GAS2L3: variants seen among roughly 807,000 people sequenced by gnomAD.
GAS2L3 encodes the protein GAS2-like protein 3.
Under a neutral mutation model 37.0 loss-of-function variants are expected in GAS2L3, and 28 were observed. The observed-to-expected ratio is 0.76, with a 90% CI of 0.56 to 1.04. GAS2L3 has a LOEUF of 1.04. GAS2L3 is among the 50% of genes least tolerant of loss of function. The pLI, the probability that GAS2L3 is intolerant of heterozygous loss-of-function variation, is 0.00. For synonymous variants in GAS2L3, 290 were observed against 296.6 expected (o/e 0.98, Z 0.23); for missense variants, 793 against 817.6 (o/e 0.97, Z 0.37).
intron 5 of GAS2L3, among the ~76,000 whole-genome samples, chr12:100,607,081 G>T (rs1467213452): frequency 6.6e-6 from 1 of 152,276 alleles, no homozygotes; most frequent in East Asian, 1.9e-4. Flanking sequence ...TCAGACTGAA[G>T]AACTCACTTT....
intron 1 of GAS2L3, among the ~76,000 whole-genome samples, chr12:100,590,743 A>G (rs1045408335): frequency 6.6e-6 from 1 of 152,300 alleles, no homozygotes; most frequent in South Asian, 2.1e-4. Flanking sequence ...ATGGAATATT[A>G]TGCAGCCATA....
Position 100,624,990 on chromosome 12 carries a change from C to T in GAS2L3, c.*100C>T. The T allele has an allele frequency of 1.1e-6, 1 of 905,826 alleles. No individual in the cohort carries two copies. The highest frequency in any genetic ancestry group is 1.7e-6 in the Non-Finnish European group (1 of 591,676). 56.1% of individuals were successfully genotyped at this position (905,826 alleles called of 1,614,324 possible). A position where few individuals can be genotyped will look rare whatever the true frequency, so the allele number is the denominator to read the frequency against. On this transcript the variant is annotated 3_prime_UTR_variant, in exon 10 of 10. Transcript: ENST00000547754. ...TTGTGTCTGTCTAAATAGGTGCAGACACTAAGGATAGTGAGGATGGAGGCT... is the reference window on the plus strand; with the variant it reads ...TTGTGTCTGTCTAAATAGGTGCAGATACTAAGGATAGTGAGGATGGAGGCT...
At position 100,594,903 on chromosome 12, in the gene GAS2L3, C is replaced by A; in HGVS notation, c.-2C>A. 1 of 1,351,798 alleles carries A rather than the reference C, an allele frequency of 7.4e-7. No homozygotes were observed. The highest frequency in any genetic ancestry group is 1.0e-6 in the Non-Finnish European group (1 of 993,496). 83.7% of individuals were successfully genotyped at this position (1,351,798 alleles called of 1,614,324 possible). On this transcript the variant is annotated 5_prime_UTR_variant, in exon 3 of 10. Transcript: ENST00000547754. ...AGAAATTTCATTTCAATATAGGTGA[C>A]TATGCAGCCTGCAATTCAAGTAAGT...
chr12:100,626,773 AT>A lies in GAS2L3; in HGVS notation c.*1884del, dbSNP rs1242653761. 1 of 152,222 alleles carries A rather than the reference AT, an allele frequency of 6.6e-6. No homozygotes were observed. The highest frequency in any genetic ancestry group is 1.5e-5 in the Non-Finnish European group (1 of 68,038). The allele number at this position is 152,222 out of a possible 1,614,324, so 9.4% of individuals were successfully genotyped here. ...GTTAAATGTGATCAGGAATAAAAGT[AT>A]CCCACAGGCATCTGACACAAATTCC... is the stretch of plus-strand genomic sequence containing the variant. On this transcript the variant is annotated 3_prime_UTR_variant, in exon 10 of 10. Transcript: ENST00000547754.
intron 1 of GAS2L3, chr12:100,579,161 T>C: frequency 1.5e-6 from 1 of 671,102 alleles, no homozygotes; most frequent in Non-Finnish European, 2.8e-6. Flanking sequence ...TGATGTTCTC[T>C]TCCATGCCAA....
At chr12:100,582,666 A>G (rs1413009098) in intron 1 of GAS2L3, among the ~76,000 whole-genome samples, 3 of 152,262 alleles carry the variant, frequency 2.0e-5, no homozygotes, top group Non-Finnish European at 4.4e-5. Flanking sequence ...TAAAGACCAG[A>G]ATGACAAAAA....
rs376428841 is a variant in GAS2L3 at position 100,594,833 on chromosome 12, T to C, written c.-30-42T>C. On this transcript the variant is annotated intron_variant, in intron 2 of 9. Coordinates refer to ENST00000547754, the MANE Select transcript of GAS2L3 (RefSeq NM_174942.3). ...TGGGGGTTTGGGGGAGTAGCAAAAC[T>C]GCCACTGTTAACTGTATGTTAATAT... The C allele has an allele frequency of 3.9e-5, 27 of 684,522 alleles. No homozygotes were observed. The East Asian group carries it at 7.3e-4, about 19-fold the overall frequency. 42.4% of individuals were successfully genotyped at this position (684,522 alleles called of 1,614,324 possible). A position where few individuals can be genotyped will look rare whatever the true frequency, so the allele number is the denominator to read the frequency against.
At position 100,574,697 on chromosome 12, in the gene GAS2L3, A is replaced by G. The variant is rs536543112; in HGVS notation, c.-152+912A>G. Among the ~76,000 whole-genome samples the G allele has an allele frequency of 1.1e-4, 17 of 152,358 alleles. No individual in the cohort carries two copies. The South Asian group carries it at 3.5e-3, about 32-fold the overall frequency. Reference sequence around the variant, plus strand: ...TTTTGCTTCGCTTGTGTGAAGAGCAAAAAACAAACAAACAAAAACAACAAG... The same window carrying G: ...TTTTGCTTCGCTTGTGTGAAGAGCAGAAAACAAACAAACAAAAACAACAAG... On this transcript the variant is annotated intron_variant, in intron 1 of 9. Coordinates refer to ENST00000547754, the MANE Select transcript of GAS2L3 (RefSeq NM_174942.3).
rs1368947761 is a variant in GAS2L3 at position 100,625,648 on chromosome 12, A to C, written c.*758A>C. ...TAAAAACGTAGACACCTTATGTTTC[A>C]CATGTTGTGCAATGTGACAGGGGAA... On this transcript the variant is annotated 3_prime_UTR_variant, in exon 10 of 10. Coordinates refer to ENST00000547754, the MANE Select transcript of GAS2L3 (RefSeq NM_174942.3). 1.3e-5 allele frequency: 2 copies of C among 152,200 alleles called. No individual in the cohort carries two copies. Among genetic ancestry groups the C allele is most frequent in the African/African-American group, 2.4e-5 (1 of 41,456 alleles). The allele number at this position is 152,200 out of a possible 1,614,324, so 9.4% of individuals were successfully genotyped here.
chr12:100,584,018 C>T (rs1332887989), intron 1 of GAS2L3, among the ~76,000 whole-genome samples: 2 of 152,196 alleles, frequency 1.3e-5, no homozygotes, highest in Non-Finnish European at 2.9e-5. Flanking sequence ...ATAGCAGAAA[C>T]ATTGTGGAGA....
intron 1 of GAS2L3, among the ~76,000 whole-genome samples, chr12:100,587,662 T>A (rs1180265640): frequency 1.3e-5 from 2 of 152,238 alleles, no homozygotes; most frequent in Non-Finnish European, 2.9e-5. Context: ...GCATTCCCTC[T>A]GGGAACTGGA....
chr12:100,592,802 G>A (rs1177898843), intron 2 of GAS2L3, among the ~76,000 whole-genome samples: 1 of 152,102 alleles, frequency 6.6e-6, no homozygotes, highest in African/African-American at 2.4e-5. Flanking sequence ...CCTCACCCTC[G>A]CGAAATCTAA....
chr12:100,607,263 G>A (rs543403355), intron 5 of GAS2L3, among the ~76,000 whole-genome samples: 1 of 152,292 alleles, frequency 6.6e-6, no homozygotes, highest in African/African-American at 2.4e-5. Flanking sequence ...CTCCTGGCCT[G>A]TAAGGTTTCC....
chr12:100,584,892 T>C (rs1275934869), intron 1 of GAS2L3, among the ~76,000 whole-genome samples: 8 of 137,556 alleles, frequency 5.8e-5, no homozygotes, highest in Non-Finnish European at 1.1e-4. Context: ...GGTTTTTTTT[T>C]TTTTTTTTTT....
chr12:100,612,137 T>G lies in GAS2L3; in HGVS notation c.441T>G (p.Gly147=), dbSNP rs1293439422. ...VDETYLFESE[G]LVLHKDPRQV... ...AAACTTACCTCTTTGAATCTGAAGG[T>G]TTAGGTAAGTGATGTTCTTGTCATT... is the stretch of plus-strand genomic sequence containing the variant. Residue 147 remains glycine, a synonymous_variant, in exon 6 of 10, where the codon GGT becomes GGG. Transcript: ENST00000547754. The G allele has an allele frequency of 7.4e-6, 12 of 1,612,500 alleles. No individual in the cohort carries two copies. The highest frequency in any genetic ancestry group is 1.0e-5 in the Non-Finnish European group (12 of 1,178,754).
chr12:100,586,217 A>G (rs541567746), intron 1 of GAS2L3, among the ~76,000 whole-genome samples: 1 of 152,336 alleles, frequency 6.6e-6, no homozygotes, highest in Non-Finnish European at 1.5e-5. Flanking sequence ...ATACCTTGGG[A>G]CAAATGGACT....
chr12:100,588,037 G>A (rs541927214), intron 1 of GAS2L3, among the ~76,000 whole-genome samples: 224 of 152,230 alleles, frequency 1.5e-3, no homozygotes, highest in African/African-American at 5.3e-3. Context: ...GGGTGACAGA[G>A]CGAGACTCCA....
intron 6 of GAS2L3, 127 bp from the exon 7 acceptor site, chr12:100,617,617 A>AT (rs1956203433): frequency 3.1e-6 from 2 of 638,572 alleles, no homozygotes; most frequent in South Asian, 1.9e-5. Context: ...TCTTTTCTTC[A>AT]TTTTTTCTAA....
At chr12:100,604,164 G>T (rs1956027002) in intron 5 of GAS2L3, among the ~76,000 whole-genome samples, 1 of 151,906 alleles carries the variant, frequency 6.6e-6, no homozygotes, top group Non-Finnish European at 1.5e-5. Flanking sequence ...GATAAGTATT[G>T]CATTGAATCT....
Sources: allele counts gnomAD v4.1 joint callset (sites outside exome capture counted in the v4.1 genomes callset), GRCh38; gene constraint gnomAD v4.1.1; transcripts MANE v1.5; gene names NCBI Gene and HGNC (gene_info 2026-07-23, HGNC 2026-07-21).